Variants in HRH1 observed in about 807,000 individuals in gnomAD.
HRH1 encodes histamine receptor H1.
Under a neutral mutation model 10.3 loss-of-function variants are expected in HRH1, and 6 were observed. The ratio of observed to expected loss-of-function variants is 0.58; its 90% CI spans 0.32 to 1.15. HRH1 has a LOEUF of 1.15. Ranked by LOEUF, HRH1 falls within the 50% of genes most tolerant of loss-of-function variation. HRH1 has a pLI of 0.05. For synonymous variants in HRH1, 242 were observed against 236.7 expected, an observed-to-expected ratio of 1.02 and a Z score of -0.21; for missense variants, 514 against 615.3, an observed-to-expected ratio of 0.84 and a Z score of 1.74.
chr3:11,234,475 C>A, intron 1 of HRH1: 1 of 1,552,698 alleles, frequency 6.4e-7, no homozygotes, highest in South Asian at 1.1e-5. Flanking sequence ...AAAAGGCTGA[C>A]TTGAACTGTT....
At position 11,196,466 on chromosome 3, in the gene HRH1, C is replaced by T. The variant is rs144666791; in HGVS notation, c.-36+41912C>T. Among the ~76,000 whole-genome samples the T allele has an allele frequency of 5.8e-3, 879 of 152,078 alleles. 6 individuals carry two copies. The highest frequency in any genetic ancestry group is 0.02 in the African/African-American group (834 of 41,478). ...TGTAGCCCAGGCTGGAGTGCAGTGG[C>T]GTGATCTTGGCTCACTGCAACCTCT... On this transcript the variant is annotated intron_variant, in intron 1 of 1. Transcript: ENST00000431010.
chr3:11,218,140 C>G (rs1375612578), intron 1 of HRH1, among the ~76,000 whole-genome samples: 1 of 152,182 alleles, frequency 6.6e-6, no homozygotes, highest in African/African-American at 2.4e-5. Context: ...TAGGTATGTA[C>G]ATTTGAGTAA....
chr3:11,236,371 G>A (rs892175842), intron 1 of HRH1, among the ~76,000 whole-genome samples: 4 of 152,236 alleles, frequency 2.6e-5, no homozygotes, highest in Non-Finnish European at 4.4e-5. Context: ...GGAGGTTGCG[G>A]TGAGCTGAGA....
At chr3:11,186,003 C>T (rs1445208622) in intron 1 of HRH1, among the ~76,000 whole-genome samples, 5 of 152,184 alleles carry the variant, frequency 3.3e-5, no homozygotes, top group Non-Finnish European at 2.9e-5. Context: ...CTCCAGCCCC[C>T]TCCAACCCCC....
chr3:11,171,184 T>G (rs1559259308), intron 1 of HRH1, among the ~76,000 whole-genome samples: 1 of 150,438 alleles, frequency 6.6e-6, no homozygotes, highest in Non-Finnish European at 1.5e-5. Context: ...TGGCACAATC[T>G]CAGCTCAGTG....
chr3:11,210,555 C>T (rs1329033523), intron 1 of HRH1, among the ~76,000 whole-genome samples: 1 of 152,038 alleles, frequency 6.6e-6, no homozygotes, highest in Non-Finnish European at 1.5e-5. Context: ...ACTCTGGGAG[C>T]CCAAGGCAGG....
chr3:11,218,290 C>CAA (rs1053174935), intron 1 of HRH1, among the ~76,000 whole-genome samples: 2 of 151,122 alleles, frequency 1.3e-5, no homozygotes, highest in Admixed American at 1.3e-4. Context: ...GTTAAAAATA[C>CAA]AAAAAAAATT....
At chr3:11,166,477 T>C (rs977124281) in intron 1 of HRH1, among the ~76,000 whole-genome samples, 4 of 152,234 alleles carry the variant, frequency 2.6e-5, no homozygotes, top group African/African-American at 9.6e-5. Context: ...ATTCCTGCCC[T>C]GGTGAGGCCT....
At chr3:11,187,679 T>A (rs1483859061) in intron 1 of HRH1, among the ~76,000 whole-genome samples, 1 of 152,206 alleles carries the variant, frequency 6.6e-6, no homozygotes, top group Non-Finnish European at 1.5e-5. Flanking sequence ...ACATTAAGTC[T>A]AATGATACTC....
intron 1 of HRH1, among the ~76,000 whole-genome samples, chr3:11,177,351 C>T (rs762906955): frequency 5.9e-5 from 9 of 152,118 alleles, no homozygotes; most frequent in Non-Finnish European, 1.0e-4. Flanking sequence ...CAGTGTCCAG[C>T]GCATAACCAG....
intron 1 of HRH1, among the ~76,000 whole-genome samples, chr3:11,170,602 G>A (rs151149209): frequency 1.8e-3 from 277 of 152,334 alleles, no homozygotes; most frequent in African/African-American, 6.3e-3. Context: ...AGAGGGGAAG[G>A]GACATGCTCG....
intron 1 of HRH1, among the ~76,000 whole-genome samples, chr3:11,166,715 G>T (rs1344400336): frequency 7.0e-6 from 1 of 143,668 alleles, no homozygotes; most frequent in Non-Finnish European, 1.6e-5. Context: ...GATTCTCCAG[G>T]CCCGTGACAT....
At chr3:11,170,404 A>G (rs1008074673) in intron 1 of HRH1, among the ~76,000 whole-genome samples, 1 of 152,228 alleles carries the variant, frequency 6.6e-6, no homozygotes, top group African/African-American at 2.4e-5. Flanking sequence ...AGCTCGCCAC[A>G]TGTTTATTTG....
chr3:11,219,950 GTTTTT>G (rs552227637), intron 1 of HRH1, among the ~76,000 whole-genome samples: 4 of 110,356 alleles, frequency 3.6e-5, no homozygotes, highest in Admixed American at 1.7e-4. Flanking sequence ...TTAATGTGTT[GTTTTT>G]TTTTTTTTTT....
At position 11,259,005 on chromosome 3, in the gene HRH1, A is replaced by T. The variant is rs1391456517; in HGVS notation, c.-33A>T. On this transcript the variant is annotated splice_region_variant and 5_prime_UTR_variant, in exon 2 of 2. Transcript: ENST00000431010. This position sits in a 1 kb window ranked among gnomAD's most constrained non-coding sequence, Gnocchi z 4.6. Reference sequence around the variant, plus strand: ...ACTTTTTCTCTCTTTTCTCCCAGGGAGTGAGCCATAACTGGTGGCTGCTCT... The same window carrying T: ...ACTTTTTCTCTCTTTTCTCCCAGGGTGTGAGCCATAACTGGTGGCTGCTCT... 2 of 1,550,256 alleles carry T rather than the reference A, an allele frequency of 1.3e-6. No homozygotes were observed.
intron 1 of HRH1, among the ~76,000 whole-genome samples, chr3:11,174,709 T>C (rs577105500): frequency 3.0e-4 from 46 of 152,276 alleles, no homozygotes; most frequent in Non-Finnish European, 5.3e-4. Flanking sequence ...AGGAAGATAA[T>C]TGTCTCCAGT....
intron 1 of HRH1, among the ~76,000 whole-genome samples, chr3:11,218,380 G>A (rs1445717885): frequency 2.8e-4 from 42 of 151,452 alleles, no homozygotes; most frequent in African/African-American, 7.0e-4. Flanking sequence ...CCCGGGAGGC[G>A]GAGCTTGCAG....
chr3:11,148,810 CTTTTTTTTT>C (rs755029776), intron 1 of HRH1, among the ~76,000 whole-genome samples: 3 of 84,418 alleles, frequency 3.6e-5, no homozygotes, highest in South Asian at 4.5e-4. Flanking sequence ...AAACCACAGT[CTTTTTTTTT>C]TTTTTTTTTT....
intron 1 of HRH1, among the ~76,000 whole-genome samples, chr3:11,181,913 G>A (rs1268631565): frequency 6.6e-6 from 1 of 152,020 alleles, no homozygotes; most frequent in African/African-American, 2.4e-5. Context: ...TTACAGGCAT[G>A]AGCCACCACG....
Sources: gnomAD v4.1 joint callset for allele counts (sites outside exome capture counted in the v4.1 genomes callset) on GRCh38, gnomAD v4.1.1 for gene constraint, Gnocchi (gnomAD v3.1) non-coding constraint, MANE v1.5 for transcripts, NCBI Gene and HGNC (gene_info 2026-07-23, HGNC 2026-07-21) for gene names.